Variants in RNF125 observed in about 807,000 individuals in gnomAD.
RNF125 encodes the protein ring finger protein 125.
Under a neutral mutation model 26.0 loss-of-function variants are expected in RNF125, and 21 were observed. That is an observed-to-expected ratio of 0.81 (90% CI 0.57 to 1.16). The LOEUF is 1.16. RNF125 is among the 50% of genes most tolerant of loss of function. The probability of loss-of-function intolerance (pLI) is 0.00; values close to 1 mark genes in which losing one functional copy is unlikely to be tolerated. For synonymous variants in RNF125, 95 were observed against 109.2 expected (o/e 0.87, Z 0.81); for missense variants, 270 against 299.4 (o/e 0.90, Z 0.72).
At chr18:32,081,957 G>A in the RNF125 span, among the ~76,000 whole-genome samples, 5 of 152,216 alleles carry the variant, frequency 3.3e-5, no homozygotes, top group Admixed American at 1.3e-4. Context: ...TTGATGGACT[G>A]AGGTACAGGA....
intron 1 of RNF125, chr18:32,030,930 G>A (rs995700711): frequency 3.3e-5 from 5 of 152,080 alleles, no homozygotes; most frequent in African/African-American, 1.2e-4. Context: ...TCAAACTCCT[G>A]GGCTCAAGTG....
intron 4 of RNF125, among the ~76,000 whole-genome samples, chr18:32,057,917 A>T (rs2039400654): frequency 6.6e-6 from 1 of 152,042 alleles, no homozygotes; most frequent in Non-Finnish European, 1.5e-5. Flanking sequence ...AAGTTACCAG[A>T]TGGTGACAAT....
intron 5 of RNF125, 87 bp downstream of exon 5, chr18:32,066,096 G>GGAAAAAATGTGTATATAGCTATAGTGTT: frequency 1.2e-6 from 1 of 819,654 alleles, no homozygotes; most frequent in Non-Finnish European, 2.0e-6. Context: ...AAATTATAGA[G>GGAAAAAATGTGTATATAGCTATAGTGTT]GAAAAAATGT....
chr18:32,064,991 T>C (rs1214326631), intron 4 of RNF125, among the ~76,000 whole-genome samples: 2 of 152,216 alleles, frequency 1.3e-5, no homozygotes, highest in African/African-American at 2.4e-5. Context: ...TAAATTATGG[T>C]ACATGTATTA....
chr18:32,054,440 T>C (rs930283326), intron 4 of RNF125, among the ~76,000 whole-genome samples: 1 of 152,204 alleles, frequency 6.6e-6, no homozygotes, highest in African/African-American at 2.4e-5. Flanking sequence ...TGATTCCTAA[T>C]ATTTTCTCTG....
chr18:32,045,754 A>T (rs376752702), intron 4 of RNF125, 22 bp downstream of exon 4: 2 of 1,462,012 alleles, frequency 1.4e-6, no homozygotes, highest in African/African-American at 1.4e-5. Flanking sequence ...TGTTACATGT[A>T]TTACAGCAAT....
At chr18:32,019,049 T>A in intron 1 of RNF125, 22 bp downstream of exon 1, 1 of 1,609,974 alleles carries the variant, frequency 6.2e-7, no homozygotes, top group Non-Finnish European at 8.5e-7. Flanking sequence ...GGGAGCTCGG[T>A]TTGCGCCCAC....
chr18:32,077,255 T>C (rs1001490208), downstream of RNF125, among the ~76,000 whole-genome samples: 9 of 151,858 alleles, frequency 5.9e-5, no homozygotes, highest in African/African-American at 1.7e-4. Flanking sequence ...TTCAGGAATT[T>C]GAGGCTATAG....
In RNF125 at chr18:32,043,717, T is replaced by G. The variant is rs987030215; in HGVS notation, c.413+1444T>G. Among the ~76,000 whole-genome samples the G allele has an allele frequency of 2.5e-4, 38 of 152,204 alleles. 1 individual carries two copies. The highest frequency in any genetic ancestry group is 2.9e-5 in the Non-Finnish European group (2 of 68,034). ...CCCAATTTCTTTTACTCATTAGAAT[T>G]AAATAGTAAAGAATTAAAATAATAG... is the stretch of plus-strand genomic sequence containing the variant. On this transcript the variant is annotated intron_variant, in intron 3 of 5. Transcript: ENST00000217740.
chr18:32,075,054 G>A (rs1007323612), downstream of RNF125, among the ~76,000 whole-genome samples: 1 of 152,092 alleles, frequency 6.6e-6, no homozygotes, highest in African/African-American at 2.4e-5. Flanking sequence ...AACCACTTGG[G>A]ATACTTGTTA....
intron 4 of RNF125, among the ~76,000 whole-genome samples, chr18:32,065,626 G>C (rs2039477178): frequency 1.3e-5 from 2 of 151,644 alleles, no homozygotes; most frequent in South Asian, 4.2e-4. Context: ...CTCTGCCTCC[G>C]GGTTCAAGCA....
At chr18:32,037,623 C>G (rs1249575901) in intron 2 of RNF125, among the ~76,000 whole-genome samples, 2 of 152,100 alleles carry the variant, frequency 1.3e-5, no homozygotes, top group Non-Finnish European at 2.9e-5. Context: ...CCGCCTGCCT[C>G]GGCCTCCCAA....
At chr18:32,046,214 C>CA (rs768054716) in intron 4 of RNF125, among the ~76,000 whole-genome samples, 11,429 of 76,010 alleles carry the variant, frequency 0.15, 1,168 homozygotes, top group African/African-American at 0.16. Context: ...AAGACTGTCT[C>CA]AAAAAAAAAA....
chr18:32,086,355 G>GT, the RNF125 span, among the ~76,000 whole-genome samples: 11,718 of 133,562 alleles, frequency 0.088, 687 homozygotes, highest in African/African-American at 0.16. Flanking sequence ...AGATATTTGT[G>GT]TTTTTTTTTT....
intron 4 of RNF125, among the ~76,000 whole-genome samples, chr18:32,058,494 T>C (rs887348868): frequency 3.3e-5 from 5 of 151,982 alleles, no homozygotes; most frequent in Admixed American, 6.6e-5. Context: ...TACAGGCTCA[T>C]GTGACCACAC....
chr18:32,086,594 C>T, the RNF125 span, among the ~76,000 whole-genome samples: 5 of 151,918 alleles, frequency 3.3e-5, no homozygotes, highest in South Asian at 8.3e-4. Context: ...GATCTCAGCG[C>T]ATCGCAACCT....
chr18:32,044,550 A>T (rs889902067), intron 3 of RNF125, among the ~76,000 whole-genome samples: 5 of 151,122 alleles, frequency 3.3e-5, no homozygotes, highest in African/African-American at 1.2e-4. Context: ...GAATTTTTTT[A>T]TTTTTTTTGA....
chr18:32,045,413 A>G (rs1984583), intron 3 of RNF125, among the ~76,000 whole-genome samples: 105,876 of 150,698 alleles, frequency 0.7, 37,452 homozygotes, highest in African/African-American at 0.76. Context: ...ACAAAGATTA[A>G]CCTGGTGTGG....
intron 1 of RNF125, among the ~76,000 whole-genome samples, chr18:32,030,850 A>G (rs1568194248): frequency 6.6e-6 from 1 of 152,166 alleles, no homozygotes; most frequent in Admixed American, 6.6e-5. Flanking sequence ...TGCACGTGAG[A>G]GAGCTCGCTT....
Sources: gnomAD v4.1 joint callset for allele counts (sites outside exome capture counted in the v4.1 genomes callset) on GRCh38, gnomAD v4.1.1 for gene constraint, MANE v1.5 for transcripts, NCBI Gene and HGNC (gene_info 2026-07-23, HGNC 2026-07-21) for gene names.